LAMB4: variants seen among roughly 807,000 people sequenced by gnomAD.
The protein encoded by LAMB4 is laminin subunit beta-4.
In LAMB4, 196 loss-of-function variants were observed where a neutral mutation model predicts 199.2. The ratio of observed to expected loss-of-function variants is 0.98; its 90% confidence interval spans 0.88 to 1.11. LAMB4 has a LOEUF of 1.11. Among genes scored for constraint, LAMB4 ranks in the 50% least tolerant of loss-of-function variants. The probability of loss-of-function intolerance (pLI) is 0.00; values close to 1 mark genes in which losing one functional copy is unlikely to be tolerated. For synonymous variants in LAMB4, 744 were observed against 770.6 expected, an observed-to-expected ratio of 0.97 and a Z score of 0.57; for missense variants, 2,080 against 2,171.2, an observed-to-expected ratio of 0.96 and a Z score of 0.83.
chr7:108,071,767 G>A (rs940705834), intron 17 of LAMB4, among the ~76,000 whole-genome samples: 3 of 152,072 alleles, frequency 2.0e-5, no homozygotes, highest in Admixed American at 1.3e-4. Flanking sequence ...AGGCCACCTG[G>A]ATGATTACAG....
rs138010764 is a variant in LAMB4, at chr7:108,118,915, C to A, written c.35-2754G>T. Reference sequence around the variant, plus strand: ...ATATCCAACAAAGCTCTTGTACTTACAATTTAATAAGAGCTTTCAAAACTC... The same window carrying A: ...ATATCCAACAAAGCTCTTGTACTTAAAATTTAATAAGAGCTTTCAAAACTC... On this transcript the variant is annotated intron_variant, in intron 2 of 33. Transcript: ENST00000388781. 8.6e-3 allele frequency among the ~76,000 whole-genome samples: 1,303 copies of A among 152,234 alleles called. 6 individuals carry two copies. Among genetic ancestry groups the A allele is most frequent in the Middle Eastern group, 0.014 (4 of 294 alleles).
At chr7:108,068,252 T>C in intron 18 of LAMB4, 93 bp from the exon 19 acceptor site, 2 of 1,274,758 alleles carry the variant, frequency 1.6e-6, no homozygotes, top group South Asian at 2.7e-5. Flanking sequence ...CTCTCTCATT[T>C]AAGACCTCTT....
At chr7:108,129,834 T>C (rs1158406217) in intron 1 of LAMB4, among the ~76,000 whole-genome samples, 2 of 152,256 alleles carry the variant, frequency 1.3e-5, no homozygotes, top group East Asian at 1.9e-4. Flanking sequence ...CGGCCAAGTT[T>C]ATGTTTCTTT....
At chr7:108,062,033 C>T (rs73424742) in intron 23 of LAMB4, among the ~76,000 whole-genome samples, 7,080 of 152,126 alleles carry the variant, frequency 0.047, 561 homozygotes, top group African/African-American at 0.16. Flanking sequence ...TACCCTTTCT[C>T]CCCCAAACTC....
intron 4 of LAMB4, among the ~76,000 whole-genome samples, chr7:108,110,354 C>A (rs2038178452): frequency 6.6e-6 from 1 of 152,186 alleles, no homozygotes. Context: ...CTTTATTATA[C>A]ATTTTCTCCC....
chr7:108,053,130 T>G (rs2150528781), intron 25 of LAMB4, among the ~76,000 whole-genome samples: 1 of 152,350 alleles, frequency 6.6e-6, no homozygotes, highest in South Asian at 2.1e-4. Flanking sequence ...TTGGGACTCC[T>G]TAAGCACTTA....
chr7:108,037,284 G>T (rs1361868098), intron 30 of LAMB4, 104 bp downstream of exon 30: 28 of 874,882 alleles, frequency 3.2e-5, no homozygotes, highest in Non-Finnish European at 4.9e-5. Context: ...CTATCAGAAG[G>T]TAATTTCATT....
At chr7:108,110,709 T>A (rs2038192812) in intron 4 of LAMB4, among the ~76,000 whole-genome samples, 2 of 152,118 alleles carry the variant, frequency 1.3e-5, no homozygotes, top group Non-Finnish European at 2.9e-5. Flanking sequence ...AAATGTTAGA[T>A]GTGGGGGTCA....
intron 10 of LAMB4, among the ~76,000 whole-genome samples, chr7:108,099,915 G>GA (rs1376185913): frequency 6.6e-6 from 1 of 152,144 alleles, no homozygotes; most frequent in African/African-American, 2.4e-5. Context: ...GACTTACTAT[G>GA]AAAAAATAGC....
intron 21 of LAMB4, among the ~76,000 whole-genome samples, chr7:108,064,385 TAAAGC>T (rs1319470725): frequency 6.6e-6 from 1 of 152,070 alleles, no homozygotes; most frequent in African/African-American, 2.4e-5. Context: ...AAGGTGAAAA[TAAAGC>T]AGGCCTGAAG....
chr7:108,025,875 G>A lies in LAMB4; in HGVS notation c.5147-1697C>T, dbSNP rs115755239. Among the ~76,000 whole-genome samples, 713 of 152,280 alleles carry A rather than the reference G, an allele frequency of 4.7e-3. 2 individuals are homozygous for A. Among genetic ancestry groups the A allele is most frequent in the African/African-American group, 0.016 (663 of 41,556 alleles). ...TACACCAGACCCATTCGCCATCCTC[G>A]TCTGTGTTCTGGAAAGCTACCCTTC... On this transcript the variant is annotated intron_variant, in intron 33 of 33. Transcript: ENST00000388781.
At chr7:108,115,835 G>C (rs2038384510) in intron 3 of LAMB4, among the ~76,000 whole-genome samples, 169 bp downstream of exon 3, 1 of 152,076 alleles carries the variant, frequency 6.6e-6, no homozygotes, top group African/African-American at 2.4e-5. Flanking sequence ...TGGGGGAAAG[G>C]GTCCCGGCAC....
At chr7:108,129,539 CTTT>C (rs746971932) in intron 1 of LAMB4, among the ~76,000 whole-genome samples, 3 of 141,490 alleles carry the variant, frequency 2.1e-5, no homozygotes, top group Non-Finnish European at 3.1e-5. Context: ...ATAAAGTTTA[CTTT>C]TTTTTTTTTT....
intron 5 of LAMB4, among the ~76,000 whole-genome samples, 161 bp from the exon 6 acceptor site, chr7:108,107,980 G>A (rs537322976): frequency 2.0e-5 from 3 of 152,190 alleles, no homozygotes; most frequent in South Asian, 2.1e-4. Flanking sequence ...TCACTCTGTC[G>A]CCCAGGCTGG....
At chr7:108,117,819 G>A (rs1420623679) in intron 2 of LAMB4, among the ~76,000 whole-genome samples, 1 of 152,186 alleles carries the variant, frequency 6.6e-6, no homozygotes, top group Non-Finnish European at 1.5e-5. Context: ...ACTTCCTGAT[G>A]TTGCTATGAC....
intron 10 of LAMB4, among the ~76,000 whole-genome samples, chr7:108,101,667 G>A (rs557590671): frequency 2.1e-3 from 325 of 152,270 alleles, no homozygotes; most frequent in African/African-American, 7.5e-3. Context: ...AGGCAAAAAT[G>A]TATAGCAGTG....
rs902628753 is a variant in LAMB4, at chr7:108,091,517, A to C, written c.1701+109T>G. The C allele has an allele frequency of 2.6e-5, 33 of 1,282,398 alleles. No individual in the cohort carries two copies. In the African/African-American group the frequency reaches 4.8e-4, roughly 19 times the overall value. 79.4% of individuals were successfully genotyped at this position (1,282,398 alleles called of 1,614,324 possible). A position where few individuals can be genotyped will look rare whatever the true frequency, so the allele number is the denominator to read the frequency against. ...TAAACTCTGATCTGCATCTTTGGGC[A>C]AAAGCATTCTTTTCTAGGTATCTTA... On this transcript the variant is annotated intron_variant, in intron 14 of 33. Transcript: ENST00000388781.
rs758363380 is a variant in LAMB4 at position 108,068,129 on chromosome 7, C to G, written c.2333G>C (p.Gly778Ala). Residue 778 changes from glycine to alanine, a missense_variant, in exon 19 of 34, where the codon GGA (glycine) becomes GCA (alanine). Physicochemically the swap from Gly to Ala is moderately conservative, Grantham distance 60. Coordinates refer to ENST00000388781, the MANE Select transcript of LAMB4 (RefSeq NM_007356.3). ...ACKCHPQGSV[G>A]SSCSRLGGQC... is the part of the protein sequence containing the mutation. Reference sequence around the variant, plus strand: ...GCCTCCAAGTCGGCTGCAGCTGGATCCGACTGAGCCCTGGGGGTGACACTT... The same window carrying G: ...GCCTCCAAGTCGGCTGCAGCTGGATGCGACTGAGCCCTGGGGGTGACACTT... The G allele has an allele frequency of 6.2e-7, 1 of 1,614,054 alleles. No homozygotes were observed. The highest frequency in any genetic ancestry group is 8.5e-7 in the Non-Finnish European group (1 of 1,180,036).
At chr7:108,018,345 G>A in the LAMB4 span, among the ~76,000 whole-genome samples, 663 of 152,304 alleles carry the variant, frequency 4.4e-3, 2 homozygotes, top group African/African-American at 0.015. Context: ...TAAGAGACTG[G>A]ACATGGAGGA....
Sources: gnomAD v4.1 joint callset for allele counts (sites outside exome capture counted in the v4.1 genomes callset) on GRCh38, gnomAD v4.1.1 for gene constraint, MANE v1.5 for transcripts, NCBI Gene and HGNC (gene_info 2026-07-23, HGNC 2026-07-21) for gene names.